DTX2: variants seen among roughly 807,000 people sequenced by gnomAD.
DTX2 encodes deltex E3 ubiquitin ligase 2.
Under a neutral mutation model 55.3 loss-of-function variants are expected in DTX2, and 29 were observed. That is an observed-to-expected ratio of 0.52 (90% CI 0.39 to 0.71). The LOEUF is 0.71. Ranked by LOEUF, DTX2 falls within the 30% of genes least tolerant of loss-of-function variation. DTX2 has a pLI of 0.00. For synonymous variants in DTX2, 276 were observed against 340.4 expected, an observed-to-expected ratio of 0.81 and a Z score of 2.08; for missense variants, 537 against 822.5, an observed-to-expected ratio of 0.65 and a Z score of 4.25.
intron 4 of DTX2, among the ~76,000 whole-genome samples, chr7:76,488,277 G>A (rs1352557746): frequency 1.4e-4 from 11 of 75,906 alleles, no homozygotes; most frequent in Admixed American, 1.3e-4. Flanking sequence ...GGAAGCAAAC[G>A]TTCTCGTTCA....
intron 4 of DTX2, among the ~76,000 whole-genome samples, chr7:76,489,958 G>A (rs1178320336): frequency 1.6e-5 from 2 of 124,482 alleles, no homozygotes; most frequent in African/African-American, 5.9e-5. Flanking sequence ...AAGTAGTTGG[G>A]TTTCCATATC....
rs4728775 is a variant in DTX2 at position 76,502,378 on chromosome 7, A to G, written c.1311A>G (p.Leu437=). The change falls in exon 8 of 11, where the codon CTA becomes CTG. Residue 437 remains leucine (L), a synonymous_variant. Coordinates refer to ENST00000430490, the MANE Select transcript of DTX2 (RefSeq NM_001102594.3). ...CTGACAGCAAGGCAATCGGGTCCCT[A>G]GCTGTGGGCCACCTCACCAAGTGCA... ...DVTDSKAIGS[L]AVGHLTKCSH... 0.65 allele frequency: 1,045,676 copies of G among 1,611,260 alleles called. 342,384 individuals carry two copies. The highest frequency in any genetic ancestry group is 0.84 in the East Asian group (37,876 of 44,832).
chr7:76,502,485 G>C, intron 8 of DTX2, 29 bp downstream of exon 8: 1 of 1,605,124 alleles, frequency 6.2e-7, no homozygotes, highest in Non-Finnish European at 8.5e-7. Flanking sequence ...GGCGGAGGCG[G>C]GTGGCCCGCC....
At chr7:76,497,847 G>A (rs1376782319) in intron 6 of DTX2, among the ~76,000 whole-genome samples, 3 of 150,960 alleles carry the variant, frequency 2.0e-5, no homozygotes, top group African/African-American at 7.3e-5. Flanking sequence ...CCCCCAGACA[G>A]CGGCCCAGGT....
chr7:76,502,087 G>T (rs553829288), intron 7 of DTX2: 49 of 543,246 alleles, frequency 9.0e-5, no homozygotes, highest in Admixed American at 5.6e-4. Context: ...GGGTTTTCCC[G>T]TGTTGGCCAG....
chr7:76,475,208 G>T (rs915872504), intron 2 of DTX2, among the ~76,000 whole-genome samples: 1 of 151,754 alleles, frequency 6.6e-6, no homozygotes, highest in Non-Finnish European at 1.5e-5. Context: ...CTACTTGGAA[G>T]GCTGAGGCAG....
intron 5 of DTX2, among the ~76,000 whole-genome samples, chr7:76,495,975 C>G (rs1810893560): frequency 9.5e-6 from 1 of 105,234 alleles, no homozygotes; most frequent in Non-Finnish European, 1.9e-5. Context: ...TCTCTCATCT[C>G]TCTGCCACCC....
intron 3 of DTX2, 46 bp from the exon 4 acceptor site, chr7:76,482,462 C>T (rs761554477): frequency 1.3e-6 from 2 of 1,529,736 alleles, no homozygotes; most frequent in Non-Finnish European, 1.8e-6. Context: ...TTCCCTGTAT[C>T]TTGGGGATGC....
intron 2 of DTX2, among the ~76,000 whole-genome samples, chr7:76,475,180 G>C (rs1450627162): frequency 2.0e-5 from 3 of 151,534 alleles, no homozygotes; most frequent in Non-Finnish European, 4.4e-5. Context: ...GCTTGGTGGT[G>C]GGTGCCTGTA....
intron 2 of DTX2, among the ~76,000 whole-genome samples, chr7:76,464,491 G>A (rs978572995): frequency 4.7e-5 from 7 of 148,268 alleles, no homozygotes; most frequent in Non-Finnish European, 7.4e-5. Context: ...GGAGTGCAGT[G>A]GAGTGATCAT....
At position 76,502,246 on chromosome 7, in the gene DTX2, C is replaced by T. The variant is rs371261404; in HGVS notation, c.1231-52C>T. The T allele has an allele frequency of 4.1e-4, 629 of 1,549,880 alleles. 1 individual carries two copies. The highest frequency in any genetic ancestry group is 6.4e-4 in the Middle Eastern group (3 of 4,722). On this transcript the variant is annotated intron_variant, in intron 7 of 10. Coordinates refer to ENST00000430490, the MANE Select transcript of DTX2 (RefSeq NM_001102594.3). ...AGCCTCTTTTTCCAAGACTGGCCCA[C>T]GTCAGCCCAGCCCACTGTTGGCGAG...
chr7:76,469,481 T>G (rs2430300), intron 2 of DTX2, among the ~76,000 whole-genome samples: 15,338 of 123,680 alleles, frequency 0.12, 944 homozygotes, highest in Middle Eastern at 0.21. Flanking sequence ...CAACCTCCAC[T>G]TCTTAGGTTC....
Position 76,505,522 on chromosome 7 carries a change from C to A in DTX2, c.1790C>A (p.Pro597His), listed in dbSNP as rs773471312. The change falls in exon 11 of 11, where the codon CCC (proline) becomes CAC (histidine). Residue 597 changes from proline (P) to histidine (H), a missense_variant. Pro to His is a moderately conservative substitution (Grantham distance 77). Around this residue, in one of 7 missense-constraint regions of DTX2, gnomAD observed 59 missense variants for 54.1 expected, o/e 1.09. Coordinates refer to ENST00000430490, the MANE Select transcript of DTX2 (RefSeq NM_001102594.3). This position sits in a 1 kb window ranked among gnomAD's most constrained non-coding sequence, Gnocchi z 4.4. ...CGCAACATTACGGGCCACGGCTATC[C>A]CGACCCCAACTACCTGCAGAACGTG... ...MDRNITGHGY[P>H]DPNYLQNVLA... is the part of the protein sequence containing the mutation. 1 of 1,609,470 alleles carries A rather than the reference C, an allele frequency of 6.2e-7. No homozygotes were observed. Among genetic ancestry groups the A allele is most frequent in the Non-Finnish European group, 8.5e-7 (1 of 1,178,182 alleles).
chr7:76,491,432 T>C (rs1584213380), intron 4 of DTX2, among the ~76,000 whole-genome samples: 1 of 117,320 alleles, frequency 8.5e-6, no homozygotes, highest in East Asian at 2.4e-4. Context: ...GGACTACAGC[T>C]GTGTGCCAGC....
At position 76,505,642 on chromosome 7, in the gene DTX2, T is replaced by A; in HGVS notation, c.*41T>A. 6.6e-7 allele frequency: 1 copy of A among 1,523,394 alleles called. No individual in the cohort carries two copies. Among genetic ancestry groups the A allele is most frequent in the Non-Finnish European group, 8.8e-7 (1 of 1,135,124 alleles). The allele number at this position is 1,523,394 out of a possible 1,614,324, so 94.4% of individuals were successfully genotyped here. ...CGCCCGCCTCTGGTGGCCACCCCGC[T>A]GCCCCATGGCTGGCTGGGTGGCCAG... is the stretch of plus-strand genomic sequence containing the variant. On this transcript the variant is annotated 3_prime_UTR_variant, in exon 11 of 11. Coordinates refer to ENST00000430490, the MANE Select transcript of DTX2 (RefSeq NM_001102594.3). The surrounding 1 kb of genome is among the most constrained non-coding windows in gnomAD (Gnocchi z 4.4).
chr7:76,499,765 A>G (rs1368898442), intron 6 of DTX2: 2 of 219,596 alleles, frequency 9.1e-6, no homozygotes, highest in African/African-American at 4.8e-5. Context: ...TTCGGTGTTT[A>G]TGGAGATGCA....
At chr7:76,494,503 C>T (rs1245373337) in intron 5 of DTX2, among the ~76,000 whole-genome samples, 20 of 82,744 alleles carry the variant, frequency 2.4e-4, no homozygotes, top group East Asian at 1.6e-3. Flanking sequence ...CCAGGCCTGA[C>T]AGTGAGCGAC....
rs1349497856 is a variant in DTX2 at position 76,487,961 on chromosome 7, G to C, written c.909-4192G>C. 4.0e-5 allele frequency among the ~76,000 whole-genome samples: 5 copies of C among 123,862 alleles called. 1 individual carries two copies. The highest frequency in any genetic ancestry group is 1.5e-4 in the African/African-American group (5 of 33,518). 81.3% of individuals were successfully genotyped at this position (123,862 alleles called of 152,430 possible). ...CCATCTGGGAACGTTCTGCAGGTCC[G>C]AGCCCTCTGAGGACGGTGAGGGCGA... is the stretch of plus-strand genomic sequence containing the variant. On this transcript the variant is annotated intron_variant, in intron 4 of 10. Coordinates refer to ENST00000430490, the MANE Select transcript of DTX2 (RefSeq NM_001102594.3).
chr7:76,498,272 G>T (rs1485779550), intron 6 of DTX2, among the ~76,000 whole-genome samples: 5 of 148,716 alleles, frequency 3.4e-5, no homozygotes, highest in East Asian at 4.4e-4. Flanking sequence ...CTGGCATGCG[G>T]CAAGGGTGGC....
Sources: allele counts gnomAD v4.1 joint callset (sites outside exome capture counted in the v4.1 genomes callset), GRCh38; gene constraint gnomAD v4.1.1; regional missense constraint gnomAD v4.1.1; non-coding constraint Gnocchi (gnomAD v3.1); transcripts MANE v1.5; gene names NCBI Gene and HGNC (gene_info 2026-07-23, HGNC 2026-07-21).